TNFRSF10B: variants seen among roughly 807,000 people sequenced by gnomAD.
TNFRSF10B encodes the protein tumor necrosis factor receptor superfamily member 10B.
TNFRSF10B carries 35 observed loss-of-function variants against 41.4 expected under a neutral mutation model. The ratio of observed to expected loss-of-function variants is 0.85; its 90% confidence interval spans 0.65 to 1.12. The LOEUF (loss-of-function observed/expected upper bound fraction) is 1.12. TNFRSF10B is among the 50% of genes most tolerant of loss of function. TNFRSF10B has a pLI of 0.00. For missense variants in TNFRSF10B, 584 were observed against 552.7 expected (o/e 1.06, Z -0.57); for synonymous variants, 230 against 215.5 (o/e 1.07, Z -0.59).
At position 23,024,511 on chromosome 8, in the gene TNFRSF10B, A is replaced by G. The variant is rs570709162; in HGVS notation, c.937-251T>C. Among the ~76,000 whole-genome samples, 4 of 150,320 alleles carry G rather than the reference A, an allele frequency of 2.7e-5. No homozygotes were observed. The South Asian group carries it at 8.4e-4, about 32-fold the overall frequency. The stretch of plus-strand genomic sequence containing the variant: ...TTTAATTTGTAATACTCAAAAGTGA[A>G]TATGTCTTGATGATTTTTTTTTTTT... On this transcript the variant is annotated intron_variant, in intron 7 of 8. Coordinates refer to ENST00000276431, the MANE Select transcript of TNFRSF10B (RefSeq NM_003842.5).
Position 23,020,587 on chromosome 8 carries a change from G to A in TNFRSF10B, c.*2084C>T, listed in dbSNP as rs751204784. 1.1e-4 allele frequency: 49 copies of A among 449,498 alleles called. No individual in the cohort carries two copies. The Middle Eastern group carries it at 2.1e-3, about 19-fold the overall frequency. The allele number at this position is 449,498 out of a possible 1,614,324, so 27.8% of individuals were successfully genotyped here. Reference sequence around the variant, plus strand: ...GGTGCCTGCAATCCCAGCTACTCCGGAGGCTGAGGCACGAGAATCGCTTGA... The same window carrying A: ...GGTGCCTGCAATCCCAGCTACTCCGAAGGCTGAGGCACGAGAATCGCTTGA... On this transcript the variant is annotated 3_prime_UTR_variant, in exon 9 of 9. Coordinates refer to ENST00000276431, the MANE Select transcript of TNFRSF10B (RefSeq NM_003842.5).
chr8:23,060,175 T>C (rs559709262), intron 1 of TNFRSF10B, among the ~76,000 whole-genome samples: 46 of 152,340 alleles, frequency 3.0e-4, no homozygotes, highest in Non-Finnish European at 5.7e-4. Context: ...TTTCTTTTGT[T>C]GCCTATGTCC....
intron 5 of TNFRSF10B, chr8:23,028,049 G>GC: frequency 1.7e-6 from 1 of 599,394 alleles, no homozygotes; most frequent in East Asian, 2.8e-5. Flanking sequence ...GGAGCCGACT[G>GC]CCCCCTGCCT....
intron 2 of TNFRSF10B, among the ~76,000 whole-genome samples, chr8:23,040,407 A>C: frequency 1.2e-5 from 1 of 81,014 alleles, no homozygotes; most frequent in Non-Finnish European, 3.0e-5. Context: ...AAATATATAT[A>C]CAAAATATAT....
At chr8:23,028,699 A>G (rs1370527154) in intron 4 of TNFRSF10B, 97 bp from the exon 5 acceptor site, 1 of 1,482,150 alleles carries the variant, frequency 6.7e-7, no homozygotes, top group Non-Finnish European at 9.4e-7. Context: ...TGTCCCTGAG[A>G]AGGTGTCAGG....
In TNFRSF10B at chr8:23,027,251, T is replaced by C; in HGVS notation, c.818A>G (p.Asn273Ser). ...GGGCTGCAAGATACTCACGATCTCA[T>C]TGAGGACATTGTCCTCAGCCCCAGG... ...QRPGAEDNVL[N>S]EIVSILQPTQ... is the part of the protein sequence containing the mutation. The change falls in exon 7 of 9, where the codon AAT becomes AGT. Residue 273 changes from asparagine to serine, a missense_variant. Transcript: ENST00000276431. 6.2e-7 allele frequency: 1 copy of C among 1,614,166 alleles called. No homozygotes were observed. The highest frequency in any genetic ancestry group is 8.5e-7 in the Non-Finnish European group (1 of 1,180,024).
At chr8:23,028,953 G>A (rs1277849711) in intron 4 of TNFRSF10B, among the ~76,000 whole-genome samples, 2 of 152,186 alleles carry the variant, frequency 1.3e-5, no homozygotes, top group Non-Finnish European at 2.9e-5. Context: ...AGATGAGTCC[G>A]GTCTTCCAGT....
At chr8:23,051,575 C>T (rs886122917) in intron 1 of TNFRSF10B, among the ~76,000 whole-genome samples, 28 of 149,536 alleles carry the variant, frequency 1.9e-4, no homozygotes, top group African/African-American at 5.7e-4. Flanking sequence ...GATGGAGTCT[C>T]GCTCTGTCGC....
At chr8:23,039,523 GTA>G (rs1281947382) in intron 2 of TNFRSF10B, among the ~76,000 whole-genome samples, 4 of 152,092 alleles carry the variant, frequency 2.6e-5, no homozygotes, top group African/African-American at 9.7e-5. Context: ...CATTAAGGGG[GTA>G]ATCTGCTTGA....
chr8:23,033,695 T>TA (rs1162112664), intron 2 of TNFRSF10B, among the ~76,000 whole-genome samples: 3 of 140,622 alleles, frequency 2.1e-5, no homozygotes, highest in African/African-American at 8.1e-5. Context: ...TATAATAAAA[T>TA]ACCATAGACC....
intron 1 of TNFRSF10B, among the ~76,000 whole-genome samples, chr8:23,055,258 T>G (rs1459004036): frequency 6.6e-6 from 1 of 152,072 alleles, no homozygotes. Context: ...AAATAGACAG[T>G]GCTACCGGGA....
At chr8:23,058,198 C>A (rs1332316521) in intron 1 of TNFRSF10B, among the ~76,000 whole-genome samples, 2 of 152,052 alleles carry the variant, frequency 1.3e-5, no homozygotes, top group South Asian at 4.2e-4. Context: ...AGTGAGCTGA[C>A]ATCTCGCCAC....
chr8:23,040,323 A>G (rs187090361), intron 2 of TNFRSF10B, among the ~76,000 whole-genome samples: 1 of 46,060 alleles, frequency 2.2e-5, no homozygotes, highest in Non-Finnish European at 6.5e-5. Flanking sequence ...ATAAATATAT[A>G]TACAAAATAT....
chr8:23,058,775 G>A (rs10091739), intron 1 of TNFRSF10B, among the ~76,000 whole-genome samples: 14,776 of 152,122 alleles, frequency 0.097, 1,321 homozygotes, highest in African/African-American at 0.24. Flanking sequence ...GTGAGCCGCC[G>A]TGCCCAGCTT....
In TNFRSF10B at chr8:23,028,572, A is replaced by G; in HGVS notation, c.507T>C (p.Asp169=). ...ATTCGATGTCACTCCAGGGTGTACA[A>G]TCACCGACCTTGACCATCCCTCTGG... is the stretch of plus-strand genomic sequence containing the variant. ...GCPRGMVKVG[D]CTPWSDIECV... is the part of the protein sequence containing the mutation. Residue 169 remains aspartate (D), a synonymous_variant, in exon 5 of 9, where the codon GAT becomes GAC. Transcript: ENST00000276431. 1 of 1,614,054 alleles carries G rather than the reference A, an allele frequency of 6.2e-7. No homozygotes were observed. Among genetic ancestry groups the G allele is most frequent in the Non-Finnish European group, 8.5e-7 (1 of 1,179,986 alleles).
chr8:23,068,856 C>A lies in TNFRSF10B; in HGVS notation c.39G>T (p.Gly13=), dbSNP rs1391634469. 1 of 1,613,446 alleles carries A rather than the reference C, an allele frequency of 6.2e-7. No individual in the cohort carries two copies. The highest frequency in any genetic ancestry group is 8.5e-7 in the Non-Finnish European group (1 of 1,179,952). The change falls in exon 1 of 9, where the codon GGG becomes GGT. Residue 13 remains glycine (G), a synonymous_variant. Transcript: ENST00000276431. ...QRGQNAPAAS[G]ARKRHGPGPR... ...GTCCTGGGCCGTGCCTTTTCCGGGC[C>A]CCCGAAGCGGCCGGGGCGTTCTGTC... is the stretch of plus-strand genomic sequence containing the variant.
chr8:23,054,866 C>T (rs1475795390), intron 1 of TNFRSF10B, among the ~76,000 whole-genome samples: 3 of 152,088 alleles, frequency 2.0e-5, no homozygotes, highest in East Asian at 1.9e-4. Flanking sequence ...CCATTTAAAA[C>T]GCCTATGTAA....
chr8:23,054,181 G>C (rs1285822802), intron 1 of TNFRSF10B, among the ~76,000 whole-genome samples: 1 of 152,146 alleles, frequency 6.6e-6, no homozygotes, highest in East Asian at 1.9e-4. Context: ...CATCAAAATA[G>C]AGGAAAAACG....
rs377256867 is a variant in TNFRSF10B, at chr8:23,052,973, C to T, written c.145-9730G>A. Reference sequence around the variant, plus strand: ...AAATTCTTGTCCTAAAGTAAATTAACTGGTTGTTTAAAGAGAGGGATGTTT... The same window carrying T: ...AAATTCTTGTCCTAAAGTAAATTAATTGGTTGTTTAAAGAGAGGGATGTTT... On this transcript the variant is annotated intron_variant, in intron 1 of 8. Coordinates refer to ENST00000276431, the MANE Select transcript of TNFRSF10B (RefSeq NM_003842.5). Among the ~76,000 whole-genome samples, 3 of 152,162 alleles carry T rather than the reference C, an allele frequency of 2.0e-5. No individual in the cohort carries two copies. The East Asian group carries it at 5.8e-4, about 29-fold the overall frequency.
Sources: allele counts gnomAD v4.1 joint callset (sites outside exome capture counted in the v4.1 genomes callset), GRCh38; gene constraint gnomAD v4.1.1; transcripts MANE v1.5; gene names NCBI Gene and HGNC (gene_info 2026-07-23, HGNC 2026-07-21).